Variants in AMACR observed in about 807,000 individuals in gnomAD.
AMACR encodes 2-methylacyl-CoA racemase.
AMACR carries 18 observed loss-of-function variants against 22.2 expected under a neutral mutation model. That is an observed-to-expected ratio of 0.81 (90% CI 0.56 to 1.20). The LOEUF (loss-of-function observed/expected upper bound fraction) is 1.20, where lower values mean the gene tolerates loss of function less well. AMACR is among the 50% of genes most tolerant of loss of function. The pLI, the probability that AMACR is intolerant of heterozygous loss-of-function variation, is 0.00. For missense variants in AMACR, 499 were observed against 490.6 expected (o/e 1.02, Z -0.16); for synonymous variants, 213 against 191.3 (o/e 1.11, Z -0.94).
chr5:33,996,512 G>A (rs1484121097), intron 4 of AMACR, among the ~76,000 whole-genome samples: 1 of 152,174 alleles, frequency 6.6e-6, no homozygotes, highest in Non-Finnish European at 1.5e-5. Context: ...AGGGCCAGGC[G>A]CAGTGGCTCA....
Position 34,007,753 on chromosome 5 carries a change from C to T in AMACR, c.247+20G>A, listed in dbSNP as rs9282595. ...CTCCGCGGGAACTTCCCGAGAGCAG[C>T]CCGCGGGGCCCGGGCTCACCGCGGC... On this transcript the variant is annotated intron_variant, in intron 1 of 4. Coordinates refer to ENST00000335606, the MANE Select transcript of AMACR (RefSeq NM_014324.6). The T allele has an allele frequency of 0.016, 25,227 of 1,534,840 alleles. 3,603 individuals are homozygous for T. The African/African-American group carries it at 0.31, about 19-fold the overall frequency.
intron 4 of AMACR, among the ~76,000 whole-genome samples, chr5:33,996,041 A>G (rs926642508): frequency 3.3e-5 from 5 of 152,006 alleles, no homozygotes; most frequent in African/African-American, 1.2e-4. Context: ...GCTTCCCCCA[A>G]AATCCCATCC....
At chr5:33,989,623 A>T in intron 4 of AMACR, 121 bp from the exon 5 acceptor site, 2 of 827,558 alleles carry the variant, frequency 2.4e-6, no homozygotes, top group Non-Finnish European at 3.9e-6. Flanking sequence ...GGCTTCTCAA[A>T]TGAGTCAAGA....
intron 4 of AMACR, chr5:33,997,493 T>A (rs375543865): frequency 1.0e-5 from 8 of 780,012 alleles, no homozygotes; most frequent in Admixed American, 3.4e-5. Flanking sequence ...CCTGTTGTAT[T>A]TTCAGCAAGA....
At chr5:33,998,560 G>C in intron 4 of AMACR, 81 bp downstream of exon 4, 1 of 1,435,108 alleles carries the variant, frequency 7.0e-7, no homozygotes, top group Non-Finnish European at 9.4e-7. Flanking sequence ...AGACATCCTA[G>C]ATGCCAAAAG....
chr5:33,997,261 G>A (rs759913013), intron 4 of AMACR: 22 of 771,476 alleles, frequency 2.9e-5, no homozygotes, highest in Middle Eastern at 2.2e-4. Flanking sequence ...TTATTGGTCC[G>A]GATTCCCACT....
At chr5:33,997,551 T>A (rs1205074818) in intron 4 of AMACR, 3 of 777,392 alleles carry the variant, frequency 3.9e-6, no homozygotes, top group Non-Finnish European at 4.8e-6. Context: ...AAAATGAATA[T>A]CATTTGCTAT....
rs138052540 is a variant in AMACR at position 33,989,172 on chromosome 5, A to G, written c.1070T>C (p.Phe357Ser). 2.5e-6 allele frequency: 4 copies of G among 1,614,082 alleles called. No homozygotes were observed. Among genetic ancestry groups the G allele is most frequent in the African/African-American group, 2.7e-5 (2 of 74,936 alleles). ...ATAAATCTCTTCGCGGCTGAATCCA[A>G]ATTCTTCAAGTATCTCCTCAGTGTG... is the stretch of plus-strand genomic sequence containing the variant. ...GEHTEEILEE[F>S]GFSREEIYQL... The change falls in exon 5 of 5, where the codon TTT (phenylalanine) becomes TCT (serine). Residue 357 changes from phenylalanine to serine, a missense_variant. By Grantham distance (155) the Phe-to-Ser change is radical. Coordinates refer to ENST00000335606, the MANE Select transcript of AMACR (RefSeq NM_014324.6).
rs1369028611 is a variant in AMACR at position 33,992,944 on chromosome 5, T to C, written c.740-3442A>G. Reference sequence around the variant, plus strand: ...AAAGTTTACCATTTCAGCCATTTTTTGGTGTACAGTACTAGGGCATTAAGT... The same window carrying C: ...AAAGTTTACCATTTCAGCCATTTTTCGGTGTACAGTACTAGGGCATTAAGT... On this transcript the variant is annotated intron_variant, in intron 4 of 4. Coordinates refer to ENST00000335606, the MANE Select transcript of AMACR (RefSeq NM_014324.6). Among the ~76,000 whole-genome samples the C allele has an allele frequency of 2.0e-5, 3 of 152,352 alleles. No homozygotes were observed. The East Asian group carries it at 5.8e-4, about 29-fold the overall frequency.
intron 4 of AMACR, chr5:33,997,016 CGTTT>C: frequency 1.6e-6 from 1 of 639,488 alleles, no homozygotes. Context: ...TAATTTTACA[CGTTT>C]ATTTTCATTA....
intron 3 of AMACR, among the ~76,000 whole-genome samples, chr5:34,002,632 GC>G (rs3836797): frequency 0.12 from 17,853 of 152,224 alleles, 1,108 homozygotes; most frequent in East Asian, 0.17. Context: ...ACCTCGCCAA[GC>G]CTTCAAGTCT....
chr5:33,997,022 T>C, intron 4 of AMACR: 1 of 650,176 alleles, frequency 1.5e-6, no homozygotes. Flanking sequence ...TACACGTTTA[T>C]TTTCATTAAA....
At chr5:33,991,963 C>T (rs1753490591) in intron 4 of AMACR, among the ~76,000 whole-genome samples, 1 of 152,116 alleles carries the variant, frequency 6.6e-6, no homozygotes, top group South Asian at 2.1e-4. Flanking sequence ...ACTGCAACCT[C>T]CACCTCCCAG....
intron 3 of AMACR, among the ~76,000 whole-genome samples, chr5:34,001,989 T>C (rs1753831611): frequency 6.6e-6 from 1 of 152,126 alleles, no homozygotes. Flanking sequence ...AACCTTACTA[T>C]CTTCTTTATT....
chr5:33,999,292 C>T (rs910980780), intron 3 of AMACR, among the ~76,000 whole-genome samples: 2 of 152,212 alleles, frequency 1.3e-5, no homozygotes, highest in East Asian at 3.8e-4. Flanking sequence ...AGGTAAATCA[C>T]ATAAGAGTAA....
intron 3 of AMACR, among the ~76,000 whole-genome samples, chr5:34,001,361 G>C (rs1431876299): frequency 6.6e-6 from 1 of 152,200 alleles, no homozygotes; most frequent in Non-Finnish European, 1.5e-5. Context: ...GAAAACAGAA[G>C]TGAGGTACAG....
Position 33,988,751 on chromosome 5 carries a change from T to C in AMACR, c.*342A>G. 2.5e-6 allele frequency: 3 copies of C among 1,206,300 alleles called. No homozygotes were observed. The highest frequency in any genetic ancestry group is 1.6e-5 in the African/African-American group (1 of 64,264). The allele number at this position is 1,206,300 out of a possible 1,614,324, so 74.7% of individuals were successfully genotyped here. A position where few individuals can be genotyped will look rare whatever the true frequency, so the allele number is the denominator to read the frequency against. On this transcript the variant is annotated 3_prime_UTR_variant, in exon 5 of 5. Transcript: ENST00000335606. ...GTAGAATCAAGAGTGTAAATAAATG[T>C]ATATCGATGTCTTCAAGAATATATC...
Position 33,988,975 on chromosome 5 carries a change from G to A in AMACR, c.*118C>T, listed in dbSNP as rs541432932. On this transcript the variant is annotated 3_prime_UTR_variant, in exon 5 of 5. Transcript: ENST00000335606. Reference sequence around the variant, plus strand: ...AATCAGAGTCTGTAATTCTTTTCTTGATTAGAGTGGTAGGACACTGTAATA... The same window carrying A: ...AATCAGAGTCTGTAATTCTTTTCTTAATTAGAGTGGTAGGACACTGTAATA... The A allele has an allele frequency of 2.0e-6, 3 of 1,528,560 alleles. No homozygotes were observed. The South Asian group carries it at 3.7e-5, about 19-fold the overall frequency. The allele number at this position is 1,528,560 out of a possible 1,614,324, so 94.7% of individuals were successfully genotyped here.
intron 3 of AMACR, among the ~76,000 whole-genome samples, chr5:34,003,011 C>T (rs1481990358): frequency 1.3e-5 from 2 of 152,114 alleles, no homozygotes; most frequent in African/African-American, 4.8e-5. Flanking sequence ...TGAAGATCAG[C>T]CAGGACCCAA....
Sources: gnomAD v4.1 joint callset for allele counts (sites outside exome capture counted in the v4.1 genomes callset) on GRCh38, gnomAD v4.1.1 for gene constraint, MANE v1.5 for transcripts, NCBI Gene and HGNC (gene_info 2026-07-23, HGNC 2026-07-21) for gene names.